Variants in SLAMF7 observed in about 807,000 individuals in gnomAD.
SLAMF7 encodes the protein SLAM family member 7.
SLAMF7 carries 26 observed loss-of-function variants against 34.1 expected under a neutral mutation model. The ratio of observed to expected loss-of-function variants is 0.76; its 90% CI spans 0.56 to 1.06. SLAMF7 has a LOEUF of 1.06. Among genes scored for constraint, SLAMF7 ranks in the 50% least tolerant of loss-of-function variants. The probability of loss-of-function intolerance (pLI) is 0.00; values close to 1 mark genes in which losing one functional copy is unlikely to be tolerated. For missense variants in SLAMF7, 399 were observed against 402.5 expected (o/e 0.99, Z 0.07); for synonymous variants, 171 against 156.4 (o/e 1.09, Z -0.70).
chr1:160,741,901 TAA>T (rs907366585), intron 1 of SLAMF7, among the ~76,000 whole-genome samples: 1 of 152,202 alleles, frequency 6.6e-6, no homozygotes, highest in Non-Finnish European at 1.5e-5. Context: ...AAGTAATCCC[TAA>T]GACTCCTCCA....
At chr1:160,742,540 C>G (rs180966414) in intron 1 of SLAMF7, among the ~76,000 whole-genome samples, 1 of 152,178 alleles carries the variant, frequency 6.6e-6, no homozygotes, top group African/African-American at 2.4e-5. Flanking sequence ...CCTTGTCACC[C>G]GCATCCCACC....
chr1:160,744,420 T>G (rs569232031), intron 1 of SLAMF7, among the ~76,000 whole-genome samples: 16 of 152,300 alleles, frequency 1.1e-4, no homozygotes, highest in African/African-American at 3.8e-4. Context: ...GAAGATACAT[T>G]TAAGATAGAA....
chr1:160,750,390 T>C lies in SLAMF7; in HGVS notation c.736T>C (p.Phe246Leu). The C allele has an allele frequency of 6.2e-7, 1 of 1,614,072 alleles. No individual in the cohort carries two copies. Among genetic ancestry groups the C allele is most frequent in the Non-Finnish European group, 8.5e-7 (1 of 1,179,940 alleles). Residue 246 changes from phenylalanine to leucine, a missense_variant, in exon 4 of 7, where the codon TTT becomes CTT. By Grantham distance (22) the Phe-to-Leu change is conservative. Coordinates refer to ENST00000368043, the MANE Select transcript of SLAMF7 (RefSeq NM_021181.5). ...LLLSLFVLGL[F>L]LWFLKRERQE... ...GCTCAGTCTCTTTGTACTGGGGCTA[T>C]TTCTTTGGTTTCTGAAGAGAGAGAG...
At chr1:160,753,011 C>A in intron 6 of SLAMF7, 95 bp from the exon 7 acceptor site, 1 of 1,202,486 alleles carries the variant, frequency 8.3e-7, no homozygotes, top group Non-Finnish European at 1.2e-6. Flanking sequence ...GTTGGGTAAC[C>A]TTGGAAATAA....
At chr1:160,751,112 C>A in intron 4 of SLAMF7, 1 of 490,180 alleles carries the variant, frequency 2.0e-6, no homozygotes, top group Non-Finnish European at 3.7e-6. Context: ...CCCACTTTGA[C>A]CACCTTGATG....
rs902200132 is a variant in SLAMF7, at chr1:160,754,600, C to T, written c.*1423C>T. On this transcript the variant is annotated 3_prime_UTR_variant, in exon 7 of 7. Transcript: ENST00000368043. Reference sequence around the variant, plus strand: ...GCTGCTTTTGATATGTTCCCTGACACATATCTTGAATGGAGACCTCCCTAC... The same window carrying T: ...GCTGCTTTTGATATGTTCCCTGACATATATCTTGAATGGAGACCTCCCTAC... 6.6e-6 allele frequency: 1 copy of T among 152,326 alleles called. No individual in the cohort carries two copies. The highest frequency in any genetic ancestry group is 6.5e-5 in the Admixed American group (1 of 15,282). 9.4% of individuals were successfully genotyped at this position (152,326 alleles called of 1,614,324 possible). A position where few individuals can be genotyped will look rare whatever the true frequency, so the allele number is the denominator to read the frequency against.
At position 160,749,944 on chromosome 1, in the gene SLAMF7, T is replaced by A; in HGVS notation, c.500T>A (p.Leu167Gln). The A allele has an allele frequency of 6.2e-7, 1 of 1,614,138 alleles. No homozygotes were observed. The highest frequency in any genetic ancestry group is 8.5e-7 in the Non-Finnish European group (1 of 1,179,972). ...GATGTGATTTATACCTGGAAGGCCC[T>A]GGGGCAAGCAGCCAATGAGTCCCAT... ...EEDVIYTWKA[L>Q]GQAANESHNG... is the part of the protein sequence containing the mutation. The change falls in exon 3 of 7, where the codon CTG becomes CAG. Residue 167 changes from leucine to glutamine, a missense_variant. Leu to Gln is a moderately radical substitution (Grantham distance 113). Coordinates refer to ENST00000368043, the MANE Select transcript of SLAMF7 (RefSeq NM_021181.5).
At chr1:160,739,678 G>A (rs775346142) in intron 1 of SLAMF7, 46 of 257,450 alleles carry the variant, frequency 1.8e-4, no homozygotes, top group Non-Finnish European at 3.0e-4. Flanking sequence ...AGTTTTCCTG[G>A]GCCTCAGAAA....
At chr1:160,749,768 G>A (rs948436114) in intron 2 of SLAMF7, 53 bp from the exon 3 acceptor site, 5 of 1,459,344 alleles carry the variant, frequency 3.4e-6, no homozygotes, top group Admixed American at 4.5e-5. Context: ...ATAATTCAGA[G>A]AATGGAGAGC....
intron 2 of SLAMF7, among the ~76,000 whole-genome samples, chr1:160,749,434 G>A (rs1388484306): frequency 6.9e-6 from 1 of 144,862 alleles, no homozygotes; most frequent in Non-Finnish European, 1.6e-5. Flanking sequence ...CTCCTAGAGA[G>A]TAAAGTGAAC....
chr1:160,745,056 A>T (rs1233218757), intron 1 of SLAMF7, among the ~76,000 whole-genome samples: 1 of 152,214 alleles, frequency 6.6e-6, no homozygotes, highest in Non-Finnish European at 1.5e-5. Flanking sequence ...ATATGTACCA[A>T]CTGATACATT....
rs898586789 is a variant in SLAMF7 at position 160,752,205 on chromosome 1, A to T, written c.893A>T (p.Asp298Val). The T allele has an allele frequency of 1.2e-6, 2 of 1,613,328 alleles. No homozygotes were observed. The highest frequency in any genetic ancestry group is 1.7e-5 in the Admixed American group (1 of 59,970). ...TAAAAGAGAACAATCCTAAAGGAAG[A>T]TCCAGCAAATACGGTTTACTCCACT... ...PHTNRTILKE[D>V]PANTVYSTVE... The change falls in exon 6 of 7, where the codon GAT (aspartate) becomes GTT (valine). Residue 298 changes from aspartate (D) to valine (V), a missense_variant. Asp to Val is a radical substitution (Grantham distance 152). Coordinates refer to ENST00000368043, the MANE Select transcript of SLAMF7 (RefSeq NM_021181.5).
At chr1:160,739,110 T>C (rs1663530250), upstream of SLAMF7, 2 of 624,482 alleles carry the variant, frequency 3.2e-6, no homozygotes, top group Non-Finnish European at 2.9e-6. Flanking sequence ...GGGGAGCAAA[T>C]AGATCTCTCA....
Position 160,751,381 on chromosome 1 carries a change from G to A in SLAMF7, c.806G>A (p.Arg269Gln), listed in dbSNP as rs1016944514. 5.6e-6 allele frequency: 9 copies of A among 1,613,872 alleles called. No homozygotes were observed. The highest frequency in any genetic ancestry group is 1.1e-5 in the South Asian group (1 of 91,066). Residue 269 changes from arginine (R) to glutamine (Q), a missense_variant, in exon 5 of 7, where the codon CGG becomes CAG. Transcript: ENST00000368043. ...GAGAAGAAGAGAGTGGACATTTGTCGGGAAACTCCTAACATATGCCCCCAT... is the reference window on the plus strand; with the variant it reads ...GAGAAGAAGAGAGTGGACATTTGTCAGGAAACTCCTAACATATGCCCCCAT... ...IEEKKRVDIC[R>Q]ETPNICPHSG...
intron 1 of SLAMF7, among the ~76,000 whole-genome samples, chr1:160,745,575 A>G (rs576374211): frequency 6.6e-6 from 1 of 152,214 alleles, no homozygotes; most frequent in African/African-American, 2.4e-5. Context: ...GAGTTAGCAA[A>G]TTTTTTCTGA....
chr1:160,749,233 G>A (rs115194432), intron 2 of SLAMF7, among the ~76,000 whole-genome samples: 32 of 152,300 alleles, frequency 2.1e-4, no homozygotes, highest in African/African-American at 6.5e-4. Flanking sequence ...AACTAGTCAG[G>A]GGAGGAAGAA....
At chr1:160,750,663 G>T (rs533890969) in intron 4 of SLAMF7, 6 of 403,858 alleles carry the variant, frequency 1.5e-5, no homozygotes, top group Non-Finnish European at 2.7e-5. Flanking sequence ...CCTTTCCAGG[G>T]CTCACTTCTC....
intron 5 of SLAMF7, 72 bp downstream of exon 5, chr1:160,751,520 G>C (rs1486422983): frequency 1.9e-5 from 24 of 1,250,992 alleles, no homozygotes; most frequent in Non-Finnish European, 2.7e-5. Context: ...TTTTCCATGG[G>C]TTTGGACAAC....
At chr1:160,753,030 G>A (rs1664758199) in intron 6 of SLAMF7, 76 bp from the exon 7 acceptor site, 1 of 1,374,218 alleles carries the variant, frequency 7.3e-7, no homozygotes, top group African/African-American at 1.4e-5. Flanking sequence ...AAAGTTTCCT[G>A]GATGTCAGGG....
Sources: gnomAD v4.1 joint callset for allele counts (sites outside exome capture counted in the v4.1 genomes callset) on GRCh38, gnomAD v4.1.1 for gene constraint, MANE v1.5 for transcripts, NCBI Gene and HGNC (gene_info 2026-07-23, HGNC 2026-07-21) for gene names.